The following NUP210L variants were observed in gnomAD, a reference collection of about 807,000 sequenced individuals.
NUP210L encodes the protein nucleoporin 210 like.
NUP210L carries 74 observed loss-of-function variants against 208.5 expected under a neutral mutation model. That is an observed-to-expected ratio of 0.35 (90% confidence interval 0.29 to 0.43). NUP210L has a LOEUF of 0.43. Among genes scored for constraint, NUP210L ranks in the 20% least tolerant of loss-of-function variants. NUP210L has a pLI of 1.00. For missense variants in NUP210L, 1,843 were observed against 2,289.4 expected, an observed-to-expected ratio of 0.81 and a Z score of 3.98; for synonymous variants, 780 against 816.9, an observed-to-expected ratio of 0.95 and a Z score of 0.77.
chr1:154,138,764 T>C (rs1405561449), intron 5 of NUP210L, among the ~76,000 whole-genome samples: 1 of 152,192 alleles, frequency 6.6e-6, no homozygotes, highest in South Asian at 2.1e-4. Context: ...GTTGTGCTTA[T>C]AATTATAATC....
chr1:154,084,308 T>C (rs1045352908), intron 16 of NUP210L, among the ~76,000 whole-genome samples: 3 of 151,188 alleles, frequency 2.0e-5, no homozygotes, highest in African/African-American at 7.3e-5. Context: ...ATCTCCTGGG[T>C]TCAAGCGATT....
At chr1:154,105,456 T>A (rs1656706429) in intron 12 of NUP210L, among the ~76,000 whole-genome samples, 1 of 143,802 alleles carries the variant, frequency 7.0e-6, no homozygotes, top group East Asian at 2.1e-4. Flanking sequence ...GCCACTGCAC[T>A]CCAGCCTAGG....
At chr1:154,114,415 T>C (rs947816081) in intron 12 of NUP210L, among the ~76,000 whole-genome samples, 2 of 152,204 alleles carry the variant, frequency 1.3e-5, no homozygotes, top group Admixed American at 1.3e-4. Context: ...AGGATCCATA[T>C]GTTCTTCCTG....
At chr1:154,060,442 T>A in intron 20 of NUP210L, 98 bp downstream of exon 20, 1 of 727,604 alleles carries the variant, frequency 1.4e-6, no homozygotes, top group Non-Finnish European at 2.3e-6. Flanking sequence ...AAATGTTACT[T>A]CTGTAACAAG....
At chr1:153,995,504 A>G (rs1279726752) in intron 37 of NUP210L, 1 of 598,354 alleles carries the variant, frequency 1.7e-6, no homozygotes, top group African/African-American at 1.8e-5. Flanking sequence ...GAGTAATACA[A>G]CTCTCTAATT....
At chr1:154,072,327 C>CATTTTTTT (rs1654784539) in intron 16 of NUP210L, among the ~76,000 whole-genome samples, 2 of 80,284 alleles carry the variant, frequency 2.5e-5, no homozygotes, top group African/African-American at 8.6e-5. Flanking sequence ...ATGGCCATTC[C>CATTTTTTT]TTTTTTTTTT....
intron 22 of NUP210L, among the ~76,000 whole-genome samples, chr1:154,057,690 ATGTGTGTGTGTGTGTGTGTGTGTGTG>A: frequency 8.0e-6 from 1 of 125,484 alleles, no homozygotes; most frequent in African/African-American, 3.0e-5. Flanking sequence ...AGGACCTCGA[ATGTGTGTGTGTGTGTGTGTGTGTGTG>A]TGTGTGTGTG....
chr1:154,113,167 A>AATAT (rs1553237739), intron 12 of NUP210L, among the ~76,000 whole-genome samples: 13 of 144,536 alleles, frequency 9.0e-5, no homozygotes, highest in South Asian at 6.4e-4. Context: ...TAAAAAAAAA[A>AATAT]ATATATATAT....
chr1:154,070,150 T>A, intron 17 of NUP210L, 123 bp downstream of exon 17: 1 of 722,100 alleles, frequency 1.4e-6, no homozygotes, highest in Non-Finnish European at 2.3e-6. Flanking sequence ...TGTATACATA[T>A]GTAACAAACC....
chr1:154,129,285 C>T (rs769610500), exon 8 of NUP210L: 5 of 1,599,272 alleles, frequency 3.1e-6, no homozygotes, highest in Non-Finnish European at 4.3e-6. Flanking sequence ...ACCTAAAAAT[C>T]CAGGCTCTAC....
At chr1:154,139,683 CAAACAAAA>C in intron 5 of NUP210L, 111 bp downstream of exon 5, 1 of 761,318 alleles carries the variant, frequency 1.3e-6, no homozygotes, top group Non-Finnish European at 2.1e-6. Flanking sequence ...AACAAACAAA[CAAACAAAA>C]AAAAAAAAAA....
At chr1:154,127,546 G>A (rs868479942) in intron 8 of NUP210L, 129 bp from the exon 9 acceptor site, 26 of 302,614 alleles carry the variant, frequency 8.6e-5, no homozygotes, top group Middle Eastern at 1.9e-3. Flanking sequence ...GGTTTCCAAA[G>A]TAGGTTCTTT....
exon 38 of NUP210L, chr1:153,995,180 T>C: frequency 6.2e-7 from 1 of 1,606,488 alleles, no homozygotes; most frequent in Non-Finnish European, 8.5e-7. Context: ...TTCACAGTGA[T>C]CTATACATTG....
chr1:154,074,262 C>T (rs1393824428), intron 16 of NUP210L, among the ~76,000 whole-genome samples: 1 of 152,056 alleles, frequency 6.6e-6, no homozygotes, highest in Non-Finnish European at 1.5e-5. Flanking sequence ...CATTGATGAT[C>T]TTTGCCAGGA....
chr1:154,053,500 A>G (rs1014026846), intron 25 of NUP210L, among the ~76,000 whole-genome samples: 1 of 152,234 alleles, frequency 6.6e-6, no homozygotes, highest in African/African-American at 2.4e-5. Context: ...GCACTGTGAC[A>G]TGTTCGTTAT....
intron 15 of NUP210L, among the ~76,000 whole-genome samples, chr1:154,090,775 C>A (rs547071982): frequency 2.0e-5 from 3 of 151,736 alleles, no homozygotes; most frequent in African/African-American, 7.2e-5. Flanking sequence ...CATACCATTG[C>A]ACTCCAGCCT....
At position 154,060,952 on chromosome 1, in the gene NUP210L, G is replaced by GAT; in HGVS notation, c.2737_2738insAT (p.Pro913HisfsTer4). 6.2e-7 allele frequency: 1 copy of GAT among 1,604,212 alleles called. No individual in the cohort carries two copies. The highest frequency in any genetic ancestry group is 1.3e-5 in the African/African-American group (1 of 74,800). ...TCATACAGCTTCTACCTTTACATCA[G>GAT]GGTGGTTATAGATGGTGGCATTCTC... On this transcript the variant is annotated frameshift_variant, in exon 19 of 40. Coordinates refer to ENST00000368559, the Ensembl canonical transcript of NUP210L. LOFTEE classifies it high-confidence loss of function.
chr1:154,153,676 C>T (rs1245851353), intron 1 of NUP210L, among the ~76,000 whole-genome samples: 5 of 152,048 alleles, frequency 3.3e-5, no homozygotes, highest in African/African-American at 1.2e-4. Context: ...AAACTCCTGG[C>T]CTCAAGTAAT....
chr1:154,003,850 CCTT>C (rs748918806), intron 35 of NUP210L, among the ~76,000 whole-genome samples: 3 of 152,144 alleles, frequency 2.0e-5, no homozygotes, highest in Non-Finnish European at 4.4e-5. Flanking sequence ...CTTGCTTACT[CCTT>C]CTCTGAAATG....
Sources: gnomAD v4.1 joint callset for allele counts (sites outside exome capture counted in the v4.1 genomes callset) on GRCh38, gnomAD v4.1.1 for gene constraint, MANE v1.5 for transcripts, NCBI Gene and HGNC (gene_info 2026-07-23, HGNC 2026-07-21) for gene names.